Variants in MARCHF6 observed in about 807,000 individuals in gnomAD.
MARCHF6 encodes the protein E3 ubiquitin-protein ligase MARCHF6.
In MARCHF6, 31 loss-of-function variants were observed where a neutral mutation model predicts 133.7. The observed-to-expected ratio is 0.23, with a 90% CI of 0.17 to 0.31. The LOEUF is 0.31. Ranked by LOEUF, MARCHF6 falls within the 10% of genes least tolerant of loss-of-function variation. The probability of loss-of-function intolerance (pLI) is 1.00; values close to 1 mark genes in which losing one functional copy is unlikely to be tolerated. For missense variants in MARCHF6, 723 were observed against 1,121.6 expected (o/e 0.64, Z 5.08); for synonymous variants, 395 against 402.5 (o/e 0.98, Z 0.22).
intron 9 of MARCHF6, among the ~76,000 whole-genome samples, chr5:10,395,044 C>T (rs941183961): frequency 6.6e-6 from 1 of 152,120 alleles, no homozygotes; most frequent in African/African-American, 2.4e-5. Context: ...CGTGATCTGC[C>T]CGCCTCGGCC....
chr5:10,419,700 C>T (rs993428855), intron 22 of MARCHF6, among the ~76,000 whole-genome samples: 2 of 149,180 alleles, frequency 1.3e-5, no homozygotes, highest in Non-Finnish European at 3.0e-5. Context: ...CAATACCTAA[C>T]AAAATAATTG....
At position 10,434,066 on chromosome 5, in the gene MARCHF6, T is replaced by A. The variant is rs924871060; in HGVS notation, c.*382T>A. 5.3e-6 allele frequency: 1 copy of A among 189,328 alleles called. No individual in the cohort carries two copies. The highest frequency in any genetic ancestry group is 2.4e-5 in the African/African-American group (1 of 42,016). 11.7% of individuals were successfully genotyped at this position (189,328 alleles called of 1,614,324 possible). A position where few individuals can be genotyped will look rare whatever the true frequency, so the allele number is the denominator to read the frequency against. On this transcript the variant is annotated 3_prime_UTR_variant, in exon 26 of 26. Transcript: ENST00000274140. ...AGCAGTAGTGCGCAGGCAAGACTTT[T>A]CAGTGACGCCTTGTGGAACGCAGTT...
chr5:10,408,366 C>T (rs1293177583), intron 17 of MARCHF6, among the ~76,000 whole-genome samples: 1 of 152,098 alleles, frequency 6.6e-6, no homozygotes. Context: ...TTTTCAGTGT[C>T]TTGTCTCAGC....
chr5:10,392,176 C>G (rs1443120857), intron 7 of MARCHF6, among the ~76,000 whole-genome samples: 1 of 152,162 alleles, frequency 6.6e-6, no homozygotes, highest in Non-Finnish European at 1.5e-5. Context: ...CCAGTATGGT[C>G]TCGATCTCCT....
At chr5:10,385,213 T>C (rs1196067764) in intron 4 of MARCHF6, among the ~76,000 whole-genome samples, 1 of 152,220 alleles carries the variant, frequency 6.6e-6, no homozygotes, top group African/African-American at 2.4e-5. Flanking sequence ...TGAGGGAGCC[T>C]TCTGGGGAGC....
intron 1 of MARCHF6, among the ~76,000 whole-genome samples, chr5:10,371,830 C>T (rs906041301): frequency 1.3e-5 from 2 of 151,794 alleles, no homozygotes; most frequent in African/African-American, 4.8e-5. Context: ...TACATTATAC[C>T]AAATAGAAAT....
At chr5:10,395,662 G>A (rs534859976) in intron 9 of MARCHF6, among the ~76,000 whole-genome samples, 1 of 152,324 alleles carries the variant, frequency 6.6e-6, no homozygotes, top group African/African-American at 2.4e-5. Context: ...AACCCCTGCT[G>A]GTTGGAACAT....
chr5:10,394,463 A>C, intron 8 of MARCHF6, among the ~76,000 whole-genome samples: 1 of 152,350 alleles, frequency 6.6e-6, no homozygotes, highest in Middle Eastern at 3.4e-3. Context: ...CAGTTTTATT[A>C]TGAAGTAATC....
intron 1 of MARCHF6, among the ~76,000 whole-genome samples, chr5:10,376,553 G>C (rs536165062): frequency 1.3e-5 from 2 of 152,270 alleles, no homozygotes; most frequent in Admixed American, 6.5e-5. Context: ...AATAACCAGG[G>C]AGATTAGCGT....
intron 8 of MARCHF6, 66 bp downstream of exon 8, chr5:10,394,209 A>G (rs1579572439): frequency 3.1e-6 from 3 of 969,096 alleles, no homozygotes; most frequent in East Asian, 5.2e-5. Flanking sequence ...ACTTTGGTGT[A>G]TTTAGATGTA....
intron 1 of MARCHF6, among the ~76,000 whole-genome samples, chr5:10,364,134 T>C (rs893582832): frequency 2.0e-5 from 3 of 152,262 alleles, no homozygotes; most frequent in Non-Finnish European, 4.4e-5. Context: ...TACTGTGAGA[T>C]ATCATTACAT....
chr5:10,415,907 G>A (rs1006955612), intron 21 of MARCHF6, among the ~76,000 whole-genome samples: 4 of 152,218 alleles, frequency 2.6e-5, no homozygotes, highest in South Asian at 2.1e-4. Flanking sequence ...GCACAATGGC[G>A]TATGCCTGTA....
In MARCHF6 at chr5:10,377,902, A is replaced by G; in HGVS notation, c.116+8A>G. 1 of 1,567,966 alleles carries G rather than the reference A, an allele frequency of 6.4e-7. No homozygotes were observed. Among genetic ancestry groups the G allele is most frequent in the Non-Finnish European group, 8.8e-7 (1 of 1,138,248 alleles). ...GTTTATCCATCAAGAATGGTAAGTC[A>G]TACTTTTAGAAAGTTATGTAAGTCT... On this transcript the variant is annotated splice_region_variant and intron_variant, in intron 2 of 25. Transcript: ENST00000274140.
At chr5:10,425,561 T>C (rs1211782030) in intron 23 of MARCHF6, among the ~76,000 whole-genome samples, 1 of 152,238 alleles carries the variant, frequency 6.6e-6, no homozygotes, top group Non-Finnish European at 1.5e-5. Context: ...TGCATTTGGG[T>C]TAACTAGGTG....
chr5:10,355,321 G>T (rs914646982), intron 1 of MARCHF6, among the ~76,000 whole-genome samples: 1 of 152,156 alleles, frequency 6.6e-6, no homozygotes, highest in Non-Finnish European at 1.5e-5. Flanking sequence ...ATCTACATAG[G>T]TTTCACATCC....
chr5:10,391,836 C>G, intron 7 of MARCHF6, 105 bp downstream of exon 7: 1 of 1,140,898 alleles, frequency 8.8e-7, no homozygotes, highest in Non-Finnish European at 1.1e-6. Flanking sequence ...TTGTGAAGTT[C>G]TATTTCTAAC....
intron 4 of MARCHF6, among the ~76,000 whole-genome samples, chr5:10,384,321 CAAAAAA>C (rs76150679): frequency 1.4e-5 from 2 of 142,326 alleles, no homozygotes; most frequent in African/African-American, 2.6e-5. Context: ...TTCTGGCACT[CAAAAAA>C]AAAAAGAAAA....
intron 22 of MARCHF6, among the ~76,000 whole-genome samples, chr5:10,420,387 A>G (rs140788294): frequency 1.5e-3 from 225 of 152,080 alleles, no homozygotes; most frequent in African/African-American, 5.2e-3. Flanking sequence ...ATGGTGGCAA[A>G]GTGTCACCTT....
chr5:10,423,715 A>C lies in MARCHF6; in HGVS notation c.2284-20A>C. On this transcript the variant is annotated intron_variant, in intron 22 of 25. Coordinates refer to ENST00000274140, the MANE Select transcript of MARCHF6 (RefSeq NM_005885.4). ...GTTAAAAAACAACAGAAATATGTTA[A>C]ATGGTTTTTAATTCCCTAGGACTGG... is the stretch of plus-strand genomic sequence containing the variant. 6.5e-7 allele frequency: 1 copy of C among 1,548,734 alleles called. No homozygotes were observed.
Sources: gnomAD v4.1 joint callset for allele counts (sites outside exome capture counted in the v4.1 genomes callset) on GRCh38, gnomAD v4.1.1 for gene constraint, MANE v1.5 for transcripts, NCBI Gene and HGNC (gene_info 2026-07-23, HGNC 2026-07-21) for gene names.